SEC14L5: variants seen among roughly 807,000 people sequenced by gnomAD.
SEC14L5 encodes SEC14-like protein 5.
Under a neutral mutation model 84.6 loss-of-function variants are expected in SEC14L5, and 96 were observed. That is an observed-to-expected ratio of 1.13 (90% confidence interval 0.96 to 1.34). The LOEUF is 1.34. Ranked by LOEUF, SEC14L5 falls within the 40% of genes most tolerant of loss-of-function variation. SEC14L5 has a pLI of 0.00. For synonymous variants in SEC14L5, 546 were observed against 383.4 expected (o/e 1.42, Z -4.95); for missense variants, 1,224 against 942.5 (o/e 1.30, Z -3.91).
At chr16:4,998,732 C>T (rs1395810201) in intron 8 of SEC14L5, among the ~76,000 whole-genome samples, 3 of 96,986 alleles carry the variant, frequency 3.1e-5, no homozygotes, top group African/African-American at 4.5e-5. Context: ...AGCGAGACTC[C>T]GTCTCAAAAA....
chr16:4,986,145 T>C (rs995219594), intron 2 of SEC14L5, among the ~76,000 whole-genome samples: 11 of 150,922 alleles, frequency 7.3e-5, no homozygotes, highest in East Asian at 5.8e-4. Context: ...TCTTCTTCTT[T>C]TTTTTTTTTT....
intron 15 of SEC14L5, 89 bp downstream of exon 15, chr16:5,011,362 G>A: frequency 7.3e-7 from 1 of 1,368,188 alleles, no homozygotes; most frequent in Non-Finnish European, 1.0e-6. Flanking sequence ...CTCCCAGCTG[G>A]GTCAGCTTCT....
At chr16:5,012,649 A>T (rs1231311782) in intron 15 of SEC14L5, among the ~76,000 whole-genome samples, 1 of 152,258 alleles carries the variant, frequency 6.6e-6, no homozygotes, top group Non-Finnish European at 1.5e-5. Flanking sequence ...TCACGCCTGT[A>T]ATCCCAGCAC....
intron 10 of SEC14L5, among the ~76,000 whole-genome samples, chr16:5,002,057 T>C (rs1188039060): frequency 2.0e-5 from 3 of 152,300 alleles, no homozygotes; most frequent in South Asian, 2.1e-4. Flanking sequence ...GGCGTCAGCC[T>C]CTGTTCCCAG....
intron 2 of SEC14L5, among the ~76,000 whole-genome samples, chr16:4,975,696 A>G (rs957997884): frequency 2.0e-5 from 3 of 152,010 alleles, no homozygotes; most frequent in African/African-American, 7.2e-5. Context: ...CCATATTTCA[A>G]TTTTTTAAAA....
At chr16:4,969,455 C>T (rs540909268) in intron 2 of SEC14L5, among the ~76,000 whole-genome samples, 220 of 151,936 alleles carry the variant, frequency 1.4e-3, no homozygotes, top group African/African-American at 4.9e-3. Flanking sequence ...TGCCATCTCG[C>T]GCATGGCAAC....
chr16:4,982,613 G>A (rs961394216), intron 2 of SEC14L5, among the ~76,000 whole-genome samples: 6 of 152,202 alleles, frequency 3.9e-5, no homozygotes, highest in Admixed American at 2.6e-4. Flanking sequence ...GCCCTTCCCT[G>A]TGAAGGGCAC....
intron 2 of SEC14L5, among the ~76,000 whole-genome samples, chr16:4,986,302 G>T (rs899732994): frequency 6.6e-6 from 1 of 152,060 alleles, no homozygotes; most frequent in Non-Finnish European, 1.5e-5. Flanking sequence ...ACCACGCCCG[G>T]CTGCTTTTTG....
At chr16:4,981,705 C>G (rs1256825524) in intron 2 of SEC14L5, among the ~76,000 whole-genome samples, 1 of 152,118 alleles carries the variant, frequency 6.6e-6, no homozygotes, top group African/African-American at 2.4e-5. Context: ...TCCAGGTTCA[C>G]CATCCCGTGC....
At chr16:4,992,353 T>G (rs1345258968) in intron 6 of SEC14L5, among the ~76,000 whole-genome samples, 1 of 152,134 alleles carries the variant, frequency 6.6e-6, no homozygotes, top group Non-Finnish European at 1.5e-5. Flanking sequence ...CGGGTTCAAG[T>G]GATTCTTCTG....
intron 2 of SEC14L5, among the ~76,000 whole-genome samples, chr16:4,968,468 G>A (rs907027391): frequency 7.9e-5 from 12 of 152,300 alleles, no homozygotes; most frequent in African/African-American, 2.9e-4. Flanking sequence ...CGTGGGCCAC[G>A]GCGCCCGGCC....
chr16:5,000,264 C>T (rs945680166), intron 8 of SEC14L5, among the ~76,000 whole-genome samples: 2 of 152,204 alleles, frequency 1.3e-5, no homozygotes, highest in African/African-American at 4.8e-5. Context: ...GCACTCCAGC[C>T]TGGGTGACAG....
chr16:4,971,715 G>C (rs1177009665), intron 2 of SEC14L5, among the ~76,000 whole-genome samples: 2 of 151,402 alleles, frequency 1.3e-5, no homozygotes, highest in East Asian at 3.9e-4. Flanking sequence ...TCTGAGACTA[G>C]GGAGACCGGT....
chr16:4,967,571 T>A (rs1051769542), intron 2 of SEC14L5, among the ~76,000 whole-genome samples: 1 of 129,272 alleles, frequency 7.7e-6, no homozygotes, highest in East Asian at 2.3e-4. Context: ...CGTTTTTTTT[T>A]TTTTTTTTTT....
At chr16:4,970,169 G>C (rs114616455) in intron 2 of SEC14L5, among the ~76,000 whole-genome samples, 2,551 of 152,224 alleles carry the variant, frequency 0.017, 100 homozygotes, top group African/African-American at 0.059. Context: ...TAGTCTATTG[G>C]GGGAGGGGGT....
At chr16:4,971,450 C>G (rs546795928) in intron 2 of SEC14L5, among the ~76,000 whole-genome samples, 1 of 152,154 alleles carries the variant, frequency 6.6e-6, no homozygotes, top group Non-Finnish European at 1.5e-5. Context: ...TAAAGCAAGA[C>G]CTTGTCTCAA....
intron 15 of SEC14L5, among the ~76,000 whole-genome samples, chr16:5,013,686 G>A (rs1321989137): frequency 6.6e-6 from 1 of 150,492 alleles, no homozygotes; most frequent in South Asian, 2.1e-4. Context: ...AGCCTCCTGA[G>A]TAGCTGGGAT....
At chr16:5,003,015 A>T (rs564169203) in intron 10 of SEC14L5, among the ~76,000 whole-genome samples, 1 of 152,336 alleles carries the variant, frequency 6.6e-6, no homozygotes, top group Admixed American at 6.5e-5. Flanking sequence ...GCTAGGCCTA[A>T]ATGGCCACTT....
chr16:5,014,240 G>T (rs1470223327), intron 15 of SEC14L5, among the ~76,000 whole-genome samples: 4 of 152,228 alleles, frequency 2.6e-5, no homozygotes, highest in Non-Finnish European at 5.9e-5. Context: ...CAGGTGTACA[G>T]CACGTTCATC....
Sources: gnomAD v4.1 joint callset for allele counts (sites outside exome capture counted in the v4.1 genomes callset) on GRCh38, gnomAD v4.1.1 for gene constraint, MANE v1.5 for transcripts, NCBI Gene and HGNC (gene_info 2026-07-23, HGNC 2026-07-21) for gene names.